Variants in AKAP7 observed in about 807,000 individuals in gnomAD.
The protein encoded by AKAP7 is A kinase (PRKA) anchor protein 7.
Under a neutral mutation model 39.5 loss-of-function variants are expected in AKAP7, and 39 were observed. That is an observed-to-expected ratio of 0.99 (90% CI 0.76 to 1.29). The LOEUF is 1.29. Among genes scored for constraint, AKAP7 ranks in the 50% most tolerant of loss-of-function variants. AKAP7 has a pLI of 0.00. For missense variants in AKAP7, 414 were observed against 407.7 expected (o/e 1.02, Z -0.13); for synonymous variants, 140 against 139.1 (o/e 1.01, Z -0.05).
At chr6:131,213,319 G>A (rs1285307470) in intron 6 of AKAP7, among the ~76,000 whole-genome samples, 1 of 152,068 alleles carries the variant, frequency 6.6e-6, no homozygotes. Flanking sequence ...TTATACCAGT[G>A]GCTTACTGGC....
chr6:131,241,627 G>GTGTATATA, intron 7 of AKAP7, among the ~76,000 whole-genome samples: 4 of 86,638 alleles, frequency 4.6e-5, no homozygotes, highest in African/African-American at 1.5e-4. Flanking sequence ...GTGTGTGTGT[G>GTGTATATA]TATATATATA....
intron 7 of AKAP7, among the ~76,000 whole-genome samples, chr6:131,237,416 C>T (rs1811163112): frequency 1.3e-5 from 2 of 152,094 alleles, no homozygotes; most frequent in African/African-American, 4.8e-5. Context: ...TAATGCTGGC[C>T]TCATAAAATG....
chr6:131,228,893 T>C (rs956398173), intron 7 of AKAP7, among the ~76,000 whole-genome samples: 1 of 152,210 alleles, frequency 6.6e-6, no homozygotes, highest in African/African-American at 2.4e-5. Context: ...TTAAAGGCAG[T>C]TTCACGTAAG....
chr6:131,278,645 A>G (rs925818497), intron 7 of AKAP7, among the ~76,000 whole-genome samples: 15 of 152,334 alleles, frequency 9.8e-5, no homozygotes, highest in Non-Finnish European at 1.3e-4. Flanking sequence ...TTACACGGCC[A>G]GAGCAGGAGG....
At chr6:131,156,207 GC>G (rs1328349035) in intron 2 of AKAP7, among the ~76,000 whole-genome samples, 1 of 152,094 alleles carries the variant, frequency 6.6e-6, no homozygotes, top group Non-Finnish European at 1.5e-5. Flanking sequence ...CTTGGGGTTA[GC>G]CCTGTGTGGT....
chr6:131,261,735 C>G (rs1813358096), intron 7 of AKAP7, among the ~76,000 whole-genome samples: 1 of 152,078 alleles, frequency 6.6e-6, no homozygotes, highest in Admixed American at 6.6e-5. Flanking sequence ...TTCCTTTGTA[C>G]CCTTTGCCTC....
chr6:131,201,750 A>G (rs550006075), intron 6 of AKAP7, among the ~76,000 whole-genome samples: 94 of 152,244 alleles, frequency 6.2e-4, no homozygotes, highest in Non-Finnish European at 1.1e-3. Context: ...TCTTTAATCC[A>G]TCTTGAATTA....
chr6:131,127,022 G>A, the AKAP7 span, among the ~76,000 whole-genome samples: 4 of 148,448 alleles, frequency 2.7e-5, no homozygotes, highest in Non-Finnish European at 6.0e-5. Flanking sequence ...AGACCTGGAA[G>A]TTCTTTTGTT....
At chr6:131,158,397 G>A (rs1238932806) in intron 2 of AKAP7, among the ~76,000 whole-genome samples, 1 of 152,152 alleles carries the variant, frequency 6.6e-6, no homozygotes, top group Non-Finnish European at 1.5e-5. Context: ...GAAACCAACC[G>A]AATAGGATTG....
At chr6:131,159,980 T>G in intron 2 of AKAP7, 79 bp from the exon 3 acceptor site, 1 of 1,281,284 alleles carries the variant, frequency 7.8e-7, no homozygotes, top group African/African-American at 1.6e-5. Flanking sequence ...TTGCTACTTA[T>G]ATATTGCTTG....
intron 6 of AKAP7, among the ~76,000 whole-genome samples, chr6:131,211,772 C>CAAAAAAAA (rs202168206): frequency 3.6e-5 from 3 of 83,940 alleles, no homozygotes; most frequent in African/African-American, 1.5e-4. Context: ...GACTCCGTCT[C>CAAAAAAAA]AAAAAAAAAA....
intron 5 of AKAP7, among the ~76,000 whole-genome samples, chr6:131,186,448 A>G (rs569447361): frequency 1.3e-5 from 2 of 152,266 alleles, no homozygotes; most frequent in African/African-American, 4.8e-5. Context: ...TTAAATAGCA[A>G]TGCAGAAATG....
chr6:131,268,043 A>G (rs1217451080), intron 7 of AKAP7, among the ~76,000 whole-genome samples: 1 of 152,154 alleles, frequency 6.6e-6, no homozygotes, highest in Non-Finnish European at 1.5e-5. Context: ...GAGGACTTGT[A>G]TTGCATTAGA....
intron 7 of AKAP7, among the ~76,000 whole-genome samples, chr6:131,240,015 G>A (rs542445148): frequency 1.3e-5 from 2 of 152,266 alleles, no homozygotes; most frequent in East Asian, 3.9e-4. Context: ...TTTCTGCTCT[G>A]TTTTTTCCCC....
intron 6 of AKAP7, among the ~76,000 whole-genome samples, chr6:131,202,814 T>C (rs1807720202): frequency 6.6e-6 from 1 of 152,132 alleles, no homozygotes; most frequent in African/African-American, 2.4e-5. Flanking sequence ...TCATTTTCAG[T>C]AAGCCAAATA....
intron 7 of AKAP7, among the ~76,000 whole-genome samples, chr6:131,260,502 G>A (rs765820085): frequency 2.6e-5 from 4 of 152,110 alleles, no homozygotes; most frequent in Non-Finnish European, 5.9e-5. Flanking sequence ...ATTCTAACTG[G>A]TATTAGATGG....
At chr6:131,269,458 C>T (rs1037382955) in intron 7 of AKAP7, among the ~76,000 whole-genome samples, 1 of 152,192 alleles carries the variant, frequency 6.6e-6, no homozygotes, top group Non-Finnish European at 1.5e-5. Context: ...GAGGCATCCC[C>T]ACATTCCAAC....
Position 131,219,724 on chromosome 6 carries a change from ATAT to A in AKAP7, c.770_772del (p.Leu257del), listed in dbSNP as rs757909211. ...TATCAGTCACAGATTTGGAGAAGAA[ATAT>A]TATATCGCATAGATCTTTGCTCCAT... On this transcript the variant is annotated inframe_deletion, in exon 7 of 8. Transcript: ENST00000431975. The A allele has an allele frequency of 1.3e-5, 20 of 1,598,918 alleles. No individual in the cohort carries two copies. Among genetic ancestry groups the A allele is most frequent in the Admixed American group, 3.5e-5 (2 of 57,780 alleles).
At chr6:131,137,437 CA>C (rs1269252626) in intron 1 of AKAP7, 3 of 151,862 alleles carry the variant, frequency 2.0e-5, no homozygotes, top group Non-Finnish European at 4.4e-5. Context: ...GGCTGGAGTG[CA>C]GTGGCACAAT....
Sources: gnomAD v4.1 joint callset for allele counts (sites outside exome capture counted in the v4.1 genomes callset) on GRCh38, gnomAD v4.1.1 for gene constraint, MANE v1.5 for transcripts, NCBI Gene and HGNC (gene_info 2026-07-23, HGNC 2026-07-21) for gene names.